The following CENPP variants were observed in gnomAD, a reference collection of about 807,000 sequenced individuals.
CENPP encodes the protein centromere protein P.
In CENPP, 24 loss-of-function variants were observed where a neutral mutation model predicts 35.6. The ratio of observed to expected loss-of-function variants is 0.67; its 90% CI spans 0.49 to 0.95. CENPP has a LOEUF of 0.95. Ranked by LOEUF, CENPP falls within the 40% of genes least tolerant of loss-of-function variation. The probability of loss-of-function intolerance (pLI) is 0.00; values close to 1 mark genes in which losing one functional copy is unlikely to be tolerated. For missense variants in CENPP, 332 were observed against 345.3 expected (o/e 0.96, Z 0.31); for synonymous variants, 120 against 125.5 (o/e 0.96, Z 0.29).
intron 5 of CENPP, among the ~76,000 whole-genome samples, chr9:92,383,025 A>G (rs1842298911): frequency 1.3e-5 from 2 of 150,078 alleles, no homozygotes; most frequent in Admixed American, 6.7e-5. Context: ...GCCTCCCAGT[A>G]GCTGGGATTA....
At chr9:92,535,343 C>T (rs1040952845) in intron 5 of CENPP, among the ~76,000 whole-genome samples, 2 of 152,118 alleles carry the variant, frequency 1.3e-5, no homozygotes, top group Admixed American at 6.5e-5. Flanking sequence ...TAAACAACTT[C>T]GTAATTGAGT....
intron 1 of CENPP, 125 bp from the exon 2 acceptor site, chr9:92,332,045 G>A (rs949878103): frequency 3.2e-5 from 15 of 475,474 alleles, no homozygotes; most frequent in African/African-American, 3.0e-4. Context: ...TATTTTAATG[G>A]GGGAAGGTGA....
At chr9:92,504,960 T>C (rs1034357611) in intron 5 of CENPP, among the ~76,000 whole-genome samples, 5 of 152,200 alleles carry the variant, frequency 3.3e-5, no homozygotes, top group Middle Eastern at 3.2e-3. Flanking sequence ...CTCTAGAGGA[T>C]AATGAAGCAA....
chr9:92,467,376 C>A (rs1444262297), intron 5 of CENPP, among the ~76,000 whole-genome samples: 1 of 152,196 alleles, frequency 6.6e-6, no homozygotes, highest in Non-Finnish European at 1.5e-5. Flanking sequence ...ATGTCCTAGG[C>A]AAACTGGGAC....
At chr9:92,580,594 G>A (rs1850396295) in intron 5 of CENPP, among the ~76,000 whole-genome samples, 1 of 152,190 alleles carries the variant, frequency 6.6e-6, no homozygotes, top group African/African-American at 2.4e-5. Context: ...TTGCATAGAG[G>A]TGTTTGCAGT....
intron 5 of CENPP, among the ~76,000 whole-genome samples, chr9:92,458,020 A>G (rs1844949267): frequency 6.6e-6 from 1 of 152,184 alleles, no homozygotes; most frequent in Admixed American, 6.6e-5. Context: ...TTCTGTGACC[A>G]AAGGAGAATT....
intron 5 of CENPP, among the ~76,000 whole-genome samples, chr9:92,558,474 G>T (rs1438305871): frequency 6.6e-6 from 1 of 152,192 alleles, no homozygotes; most frequent in African/African-American, 2.4e-5. Flanking sequence ...TGTCTGTACA[G>T]AGTCTTGTGA....
intron 5 of CENPP, chr9:92,514,901 G>T: frequency 6.2e-7 from 1 of 1,613,022 alleles, no homozygotes; most frequent in South Asian, 1.1e-5. Context: ...TGTTGCTGGT[G>T]TGCCAGCCTC....
chr9:92,394,026 G>A (rs139789820), intron 5 of CENPP, among the ~76,000 whole-genome samples: 85 of 152,136 alleles, frequency 5.6e-4, no homozygotes, highest in African/African-American at 2.0e-3. Flanking sequence ...AGTAATTCTG[G>A]AGAAGTACTT....
At chr9:92,517,124 C>T (rs1198430063) in intron 5 of CENPP, 1 of 156,178 alleles carries the variant, frequency 6.4e-6, no homozygotes, top group African/African-American at 2.4e-5. Flanking sequence ...ATCTCCTGCA[C>T]ACAGAAGTGC....
At chr9:92,355,896 C>T (rs931143838) in intron 4 of CENPP, among the ~76,000 whole-genome samples, 3 of 152,124 alleles carry the variant, frequency 2.0e-5, no homozygotes, top group African/African-American at 7.2e-5. Flanking sequence ...GTAGAATAGA[C>T]ACTTTAAAGG....
intron 5 of CENPP, among the ~76,000 whole-genome samples, chr9:92,507,211 G>A (rs1847060425): frequency 6.6e-6 from 1 of 152,184 alleles, no homozygotes; most frequent in Admixed American, 6.5e-5. Flanking sequence ...TGGAAGTGCT[G>A]AGCAACAGGA....
At chr9:92,457,401 A>T in intron 5 of CENPP, 1 of 1,613,728 alleles carries the variant, frequency 6.2e-7, no homozygotes, top group Non-Finnish European at 8.5e-7. Context: ...ATTGCACTGT[A>T]TAAAGATTTC....
intron 5 of CENPP, chr9:92,415,398 A>G: frequency 6.2e-7 from 1 of 1,613,664 alleles, no homozygotes; most frequent in Non-Finnish European, 8.5e-7. Context: ...CTTTTAGTTT[A>G]TTTTGGTCCA....
chr9:92,509,995 TA>T, intron 5 of CENPP: 1 of 1,606,962 alleles, frequency 6.2e-7, no homozygotes, highest in Non-Finnish European at 8.5e-7. Context: ...TGTATCAAAT[TA>T]TTTCCATCCA....
At chr9:92,332,127 G>C (rs190778506) in intron 1 of CENPP, 43 bp from the exon 2 acceptor site, 1 of 1,347,530 alleles carries the variant, frequency 7.4e-7, no homozygotes, top group African/African-American at 1.5e-5. Context: ...GATGAAACAC[G>C]TGTTAGTAAT....
At chr9:92,511,189 G>A (rs563308058) in intron 5 of CENPP, among the ~76,000 whole-genome samples, 14 of 152,208 alleles carry the variant, frequency 9.2e-5, no homozygotes, top group African/African-American at 3.1e-4. Flanking sequence ...GCAATGGCGC[G>A]ATCTCGGCTC....
chr9:92,413,258 A>T (rs1002796726), intron 5 of CENPP, among the ~76,000 whole-genome samples: 7 of 152,028 alleles, frequency 4.6e-5, no homozygotes, highest in Non-Finnish European at 8.8e-5. Flanking sequence ...AAGTGCTGGG[A>T]TTACAGGTGT....
chr9:92,336,139 G>A (rs552365213), intron 2 of CENPP, among the ~76,000 whole-genome samples: 1 of 152,132 alleles, frequency 6.6e-6, no homozygotes, highest in Non-Finnish European at 1.5e-5. Flanking sequence ...AAGACCACTT[G>A]TATTATAGAT....
Sources: gnomAD v4.1 joint callset for allele counts (sites outside exome capture counted in the v4.1 genomes callset) on GRCh38, gnomAD v4.1.1 for gene constraint, MANE v1.5 for transcripts, NCBI Gene and HGNC (gene_info 2026-07-23, HGNC 2026-07-21) for gene names.